The following ABCC1 variants were observed in gnomAD, a reference collection of about 807,000 sequenced individuals.
ABCC1 encodes multidrug resistance-associated protein 1.
In ABCC1, 83 loss-of-function variants were observed where a neutral mutation model predicts 172.9. That is an observed-to-expected ratio of 0.48 (90% CI 0.40 to 0.58). The LOEUF (loss-of-function observed/expected upper bound fraction) is 0.58. ABCC1 is among the 20% of genes least tolerant of loss of function. The probability of loss-of-function intolerance (pLI) is 0.00; values close to 1 mark genes in which losing one functional copy is unlikely to be tolerated. For synonymous variants in ABCC1, 937 were observed against 825.2 expected, an observed-to-expected ratio of 1.14 and a Z score of -2.32; for missense variants, 1,817 against 2,002.7, an observed-to-expected ratio of 0.91 and a Z score of 1.77.
At position 16,114,864 on chromosome 16, in the gene ABCC1, C is replaced by T; in HGVS notation, c.3178C>T (p.Pro1060Ser). Residue 1060 changes from proline to serine, a missense_variant, in exon 23 of 31, where the codon CCC (proline) becomes TCC (serine). This residue lies in a region of ABCC1 where 1,412 missense variants were observed against 1,600.3 expected (regional missense o/e 0.88). Transcript: ENST00000399410. ...VDLLHSILRS[P>S]MSFFERTPSG... is the part of the protein sequence containing the mutation. Reference sequence around the variant, plus strand: ...CCTGCTGCACAGCATCCTGCGGTCACCCATGAGCTTCTTTGAGCGGACCCC... The same window carrying T: ...CCTGCTGCACAGCATCCTGCGGTCATCCATGAGCTTCTTTGAGCGGACCCC... 6.2e-7 allele frequency: 1 copy of T among 1,613,996 alleles called. No homozygotes were observed. The highest frequency in any genetic ancestry group is 8.5e-7 in the Non-Finnish European group (1 of 1,179,940).
intron 24 of ABCC1, among the ~76,000 whole-genome samples, chr16:16,123,321 T>C (rs2045248077): frequency 1.3e-5 from 2 of 152,164 alleles, no homozygotes; most frequent in African/African-American, 4.8e-5. Flanking sequence ...CTATATGATA[T>C]CATACGAAGC....
At chr16:16,050,252 G>T (rs557524490) in intron 10 of ABCC1, among the ~76,000 whole-genome samples, 6 of 152,164 alleles carry the variant, frequency 3.9e-5, no homozygotes, top group African/African-American at 1.4e-4. Context: ...ATCATCTGAG[G>T]CCAGGAGAGC....
chr16:15,980,944 T>C (rs1232344399), intron 1 of ABCC1, among the ~76,000 whole-genome samples: 1 of 152,148 alleles, frequency 6.6e-6, no homozygotes, highest in African/African-American at 2.4e-5. Context: ...ATTGGGTAAA[T>C]ACACCCATTC....
At chr16:16,030,371 A>G (rs984359231) in intron 5 of ABCC1, among the ~76,000 whole-genome samples, 1 of 152,108 alleles carries the variant, frequency 6.6e-6, no homozygotes, top group African/African-American at 2.4e-5. Flanking sequence ...CTAAAGATAC[A>G]AACATTAGCC....
intron 14 of ABCC1, among the ~76,000 whole-genome samples, chr16:16,072,958 C>A (rs1868980360): frequency 6.6e-6 from 1 of 151,214 alleles, no homozygotes; most frequent in African/African-American, 2.4e-5. Flanking sequence ...AGGAGAATCA[C>A]TTGAACCCAG....
At chr16:16,052,944 T>C in intron 11 of ABCC1, 128 bp downstream of exon 11, 1 of 793,616 alleles carries the variant, frequency 1.3e-6, no homozygotes, top group Non-Finnish European at 2.0e-6. Context: ...TGGACTCACT[T>C]GGGGAGCCTT....
intron 1 of ABCC1, among the ~76,000 whole-genome samples, chr16:15,999,769 T>TTCTCTCTCTCTCTCTCCCTCTCTCTCTC (rs2047187080): frequency 3.9e-5 from 1 of 25,366 alleles, no homozygotes; most frequent in South Asian, 2.0e-3. Flanking sequence ...CCCGGCCTCT[T>TTCTCTCTCTCTCTCTCCCTCTCTCTCTC]TCTCTCTCTC....
intron 23 of ABCC1, among the ~76,000 whole-genome samples, chr16:16,117,575 C>T (rs947302237): frequency 1.3e-5 from 2 of 152,182 alleles, no homozygotes; most frequent in Non-Finnish European, 2.9e-5. Flanking sequence ...TGGAAAGTGC[C>T]GTGTTTTAGC....
At chr16:15,982,401 C>T (rs540880894) in intron 1 of ABCC1, among the ~76,000 whole-genome samples, 10 of 152,100 alleles carry the variant, frequency 6.6e-5, no homozygotes, top group East Asian at 5.8e-4. Flanking sequence ...GAAGCAAACA[C>T]GTCCTTCTTC....
intron 1 of ABCC1, among the ~76,000 whole-genome samples, chr16:16,003,651 G>A: frequency 6.9e-6 from 1 of 144,996 alleles, no homozygotes; most frequent in East Asian, 2.0e-4. Flanking sequence ...TGGATGGATG[G>A]ATGAACTGGT....
chr16:16,016,010 G>A (rs1170880001), intron 4 of ABCC1, among the ~76,000 whole-genome samples: 5 of 152,150 alleles, frequency 3.3e-5, no homozygotes, highest in African/African-American at 1.2e-4. Context: ...CCATCAGGCA[G>A]CGGTGAGCAG....
chr16:16,017,416 C>A (rs982428828), intron 5 of ABCC1, among the ~76,000 whole-genome samples: 4 of 151,766 alleles, frequency 2.6e-5, no homozygotes, highest in African/African-American at 9.7e-5. Flanking sequence ...CTTTCTTCAA[C>A]TTTTATTTTA....
At chr16:15,993,621 T>C (rs2046951788) in intron 1 of ABCC1, among the ~76,000 whole-genome samples, 2 of 152,074 alleles carry the variant, frequency 1.3e-5, no homozygotes, top group South Asian at 4.2e-4. Flanking sequence ...CAAGAATTAT[T>C]TGGGCTCAAA....
intron 1 of ABCC1, among the ~76,000 whole-genome samples, chr16:15,963,556 TGGA>T: frequency 6.6e-6 from 1 of 152,222 alleles, no homozygotes; most frequent in Non-Finnish European, 1.5e-5. Flanking sequence ...GAAATCTAGG[TGGA>T]GGTTTCCAAA....
At chr16:15,959,624 C>G (rs564101851) in intron 1 of ABCC1, among the ~76,000 whole-genome samples, 1 of 152,326 alleles carries the variant, frequency 6.6e-6, no homozygotes, top group Admixed American at 6.5e-5. Flanking sequence ...CCATGCCCAG[C>G]CGAAAATGGC....
At chr16:16,052,862 A>T (rs758636040) in intron 11 of ABCC1, 46 bp downstream of exon 11, 1 of 1,579,138 alleles carries the variant, frequency 6.3e-7, no homozygotes. Flanking sequence ...CCCTAGGCAG[A>T]GGCCTCTCCA....
intron 23 of ABCC1, among the ~76,000 whole-genome samples, chr16:16,116,139 C>T (rs891144261): frequency 3.3e-5 from 5 of 152,150 alleles, no homozygotes; most frequent in South Asian, 2.1e-4. Flanking sequence ...CTCCTGACCT[C>T]GTGATTCGCC....
chr16:16,113,141 C>G (rs530983670), intron 22 of ABCC1, among the ~76,000 whole-genome samples: 111 of 152,266 alleles, frequency 7.3e-4, no homozygotes, highest in African/African-American at 2.6e-3. Flanking sequence ...CCAGCGGTAG[C>G]AGAGCACACA....
rs148275446 is a variant in ABCC1 at position 16,122,251 on chromosome 16, C to T, written c.3590+77C>T. ...TGTCTCTTTGCCTCGATCTTTTCCT[C>T]GCACCTTGAGCTGGGTATAAAGCCA... On this transcript the variant is annotated intron_variant, in intron 24 of 30. Transcript: ENST00000399410. The T allele has an allele frequency of 2.8e-4, 431 of 1,523,778 alleles. 1 individual carries two copies. The African/African-American group carries it at 4.2e-3, about 15-fold the overall frequency. The allele number at this position is 1,523,778 out of a possible 1,614,324, so 94.4% of individuals were successfully genotyped here.
Sources: gnomAD v4.1 joint callset for allele counts (sites outside exome capture counted in the v4.1 genomes callset) on GRCh38, gnomAD v4.1.1 for gene constraint, gnomAD v4.1.1 regional missense constraint, MANE v1.5 for transcripts, NCBI Gene and HGNC (gene_info 2026-07-23, HGNC 2026-07-21) for gene names.